DNAAF4: variants seen among roughly 807,000 people sequenced by gnomAD.
DNAAF4 encodes the protein dynein assembly factor 4, axonemal.
DNAAF4 carries 43 observed loss-of-function variants against 51.8 expected under a neutral mutation model. That is an observed-to-expected ratio of 0.83 (90% CI 0.65 to 1.07). The LOEUF (loss-of-function observed/expected upper bound fraction) is 1.07. DNAAF4 is among the 50% of genes least tolerant of loss of function. DNAAF4 has a pLI of 0.00. For missense variants in DNAAF4, 581 were observed against 493.0 expected, an observed-to-expected ratio of 1.18 and a Z score of -1.69; for synonymous variants, 194 against 165.6, an observed-to-expected ratio of 1.17 and a Z score of -1.32.
chr15:55,443,570 G>C (rs991566497), intron 6 of DNAAF4, among the ~76,000 whole-genome samples: 5 of 152,234 alleles, frequency 3.3e-5, no homozygotes, highest in African/African-American at 1.2e-4. Context: ...CCAGTAATGG[G>C]ATGGCTGGGT....
chr15:55,440,551 T>C (rs541448650), intron 6 of DNAAF4, among the ~76,000 whole-genome samples: 1 of 150,532 alleles, frequency 6.6e-6, no homozygotes, highest in African/African-American at 2.5e-5. Context: ...GCTAATTTTT[T>C]GTATTTTTAG....
rs566264342 is a variant in DNAAF4, at chr15:55,450,510, A to C, written c.638-143T>G. On this transcript the variant is annotated intron_variant, in intron 5 of 9. Transcript: ENST00000321149. ...ATATTTTCTGCAAGAAAAGAATGCA[A>C]AATTTAGCAATGATAATATAGCAGC... is the stretch of plus-strand genomic sequence containing the variant. The C allele has an allele frequency of 1.4e-5, 14 of 978,562 alleles. No homozygotes were observed. The East Asian group carries it at 3.7e-4, about 26-fold the overall frequency. The allele number at this position is 978,562 out of a possible 1,614,324, so 60.6% of individuals were successfully genotyped here.
At position 55,433,956 on chromosome 15, in the gene DNAAF4, T is replaced by TATATTATAATATTATA. The variant is rs1555413857; in HGVS notation, c.1047+948_1047+949insTATAATATTATAATAT. Reference sequence around the variant, plus strand: ...TATAAAATATATATAATATATATAATATATATAATATATTTTATATATTAT... The same window carrying TATATTATAATATTATA: ...TATAAAATATATATAATATATATAATATATTATAATATTATAATATATAATATATTTTATATATTAT... On this transcript the variant is annotated intron_variant, in intron 8 of 9. Coordinates refer to ENST00000321149, the MANE Select transcript of DNAAF4 (RefSeq NM_130810.4). 3.1e-4 allele frequency among the ~76,000 whole-genome samples: 15 copies of TATATTATAATATTATA among 48,842 alleles called. 1 individual carries two copies. Among genetic ancestry groups the TATATTATAATATTATA allele is most frequent in the Non-Finnish European group, 4.1e-4 (13 of 31,338 alleles). The allele number at this position is 48,842 out of a possible 152,430, so 32.0% of individuals were successfully genotyped here.
chr15:55,451,773 T>C (rs1057418203), intron 5 of DNAAF4, among the ~76,000 whole-genome samples: 1 of 151,990 alleles, frequency 6.6e-6, no homozygotes, highest in Non-Finnish European at 1.5e-5. Flanking sequence ...CCACCATACA[T>C]GGCTAATTTT....
chr15:55,482,106 G>T (rs560535881), intron 4 of DNAAF4, among the ~76,000 whole-genome samples: 1 of 152,096 alleles, frequency 6.6e-6, no homozygotes, highest in Non-Finnish European at 1.5e-5. Flanking sequence ...CTGCACTTTC[G>T]TTGTTTTGTT....
At chr15:55,480,987 C>A (rs1424109906) in intron 4 of DNAAF4, among the ~76,000 whole-genome samples, 2 of 152,086 alleles carry the variant, frequency 1.3e-5, no homozygotes, top group African/African-American at 4.8e-5. Context: ...CTCACAAGAT[C>A]TAATGGTTTT....
intron 4 of DNAAF4, among the ~76,000 whole-genome samples, chr15:55,481,908 G>A (rs1217605971): frequency 6.6e-6 from 1 of 152,198 alleles, no homozygotes; most frequent in East Asian, 1.9e-4. Flanking sequence ...TTCAGCCTCT[G>A]ATTAGTAATG....
downstream of DNAAF4, among the ~76,000 whole-genome samples, chr15:55,430,058 C>T (rs2057471756): frequency 6.6e-6 from 1 of 152,100 alleles, no homozygotes; most frequent in South Asian, 2.1e-4. Context: ...TTTATCTTCA[C>T]CAGATAGTGT....
At chr15:55,461,987 A>C (rs2058100108) in intron 5 of DNAAF4, among the ~76,000 whole-genome samples, 3 of 152,248 alleles carry the variant, frequency 2.0e-5, no homozygotes, top group Admixed American at 2.0e-4. Context: ...AGATCATTCA[A>C]AGCTACTATG....
intron 3 of DNAAF4, among the ~76,000 whole-genome samples, chr15:55,493,538 T>C (rs1431366903): frequency 1.3e-5 from 2 of 151,856 alleles, no homozygotes; most frequent in African/African-American, 4.8e-5. Flanking sequence ...CCATGTCTAA[T>C]AGAAATAAAG....
rs961340367 is a variant in DNAAF4, at chr15:55,470,717, TA to T, written c.406-3557del. The stretch of plus-strand genomic sequence containing the variant: ...ACCAAGCCTGACTAATTTTTTATGT[TA>T]TTTTTTTGTAAAGATGGGGTTTTCC... On this transcript the variant is annotated intron_variant, in intron 4 of 9. Coordinates refer to ENST00000321149, the MANE Select transcript of DNAAF4 (RefSeq NM_130810.4). 1.4e-4 allele frequency among the ~76,000 whole-genome samples: 21 copies of T among 151,194 alleles called. 1 individual carries two copies. Among genetic ancestry groups the T allele is most frequent in the Admixed American group, 6.6e-4 (10 of 15,106 alleles).
chr15:55,469,157 C>G (rs1176888787), intron 4 of DNAAF4, among the ~76,000 whole-genome samples: 6 of 151,910 alleles, frequency 3.9e-5, no homozygotes, highest in East Asian at 2.0e-4. Context: ...ATGGTGAAAC[C>G]CTGTCTCTAC....
At chr15:55,462,873 C>A (rs2141493616) in intron 5 of DNAAF4, among the ~76,000 whole-genome samples, 2 of 152,154 alleles carry the variant, frequency 1.3e-5, no homozygotes, top group Middle Eastern at 6.8e-3. Flanking sequence ...TCAATAAATG[C>A]AGAAAAAGCA....
Position 55,445,445 on chromosome 15 carries a change from C to T in DNAAF4, c.783+4777G>A, listed in dbSNP as rs1308434006. Among the ~76,000 whole-genome samples the T allele has an allele frequency of 2.6e-5, 4 of 152,168 alleles. No homozygotes were observed. In the East Asian group the frequency reaches 5.8e-4, roughly 22 times the overall value. On this transcript the variant is annotated intron_variant, in intron 6 of 9. Transcript: ENST00000321149. The stretch of plus-strand genomic sequence containing the variant: ...AGTCTCCTATGTCTACTTCTTTCTA[C>T]ACAGACACAGTAACAATCTGATCTC...
At chr15:55,436,945 C>T (rs571930315) in intron 7 of DNAAF4, among the ~76,000 whole-genome samples, 6 of 151,858 alleles carry the variant, frequency 4.0e-5, no homozygotes, top group African/African-American at 9.7e-5. Flanking sequence ...CTCAGCCTCC[C>T]GAGTAGCTGG....
At chr15:55,480,140 C>A (rs1368153208) in intron 4 of DNAAF4, among the ~76,000 whole-genome samples, 1 of 152,064 alleles carries the variant, frequency 6.6e-6, no homozygotes, top group African/African-American at 2.4e-5. Context: ...TCTTACACCC[C>A]CTTTTTGAAA....
intron 4 of DNAAF4, among the ~76,000 whole-genome samples, chr15:55,477,344 C>G (rs1169025799): frequency 2.0e-5 from 3 of 151,948 alleles, no homozygotes; most frequent in Non-Finnish European, 2.9e-5. Flanking sequence ...TTTTTGCTTT[C>G]TACTCTTTAT....
intron 8 of DNAAF4, among the ~76,000 whole-genome samples, chr15:55,433,995 AATATTATAT>A (rs1263514117): frequency 3.0e-5 from 1 of 33,306 alleles, no homozygotes; most frequent in African/African-American, 8.0e-5. Flanking sequence ...TAATATATAT[AATATTATAT>A]ATATTATATA....
At chr15:55,422,057 T>C (rs1295517453) in intron 7 of DNAAF4, among the ~76,000 whole-genome samples, 1 of 151,898 alleles carries the variant, frequency 6.6e-6, no homozygotes, top group Non-Finnish European at 1.5e-5. Flanking sequence ...CATATTTTTA[T>C]ATATTTACAA....
Sources: gnomAD v4.1 joint callset for allele counts (sites outside exome capture counted in the v4.1 genomes callset) on GRCh38, gnomAD v4.1.1 for gene constraint, MANE v1.5 for transcripts, NCBI Gene and HGNC (gene_info 2026-07-23, HGNC 2026-07-21) for gene names.